MYOF: variants seen among roughly 807,000 people sequenced by gnomAD.
MYOF encodes myoferlin.
A neutral mutation model predicts 284.2 loss-of-function variants in MYOF; 244 were observed. That is an observed-to-expected ratio of 0.86 (90% CI 0.77 to 0.95). The LOEUF (loss-of-function observed/expected upper bound fraction) is 0.95. Ranked by LOEUF, MYOF falls within the 40% of genes least tolerant of loss-of-function variation. The probability of loss-of-function intolerance (pLI) is 0.00; values close to 1 mark genes in which losing one functional copy is unlikely to be tolerated. For synonymous variants in MYOF, 904 were observed against 919.7 expected, an observed-to-expected ratio of 0.98 and a Z score of 0.31; for missense variants, 2,496 against 2,560.6, an observed-to-expected ratio of 0.97 and a Z score of 0.54.
At chr10:93,327,779 A>G (rs1001822129) in intron 45 of MYOF, among the ~76,000 whole-genome samples, 3 of 152,038 alleles carry the variant, frequency 2.0e-5, no homozygotes, top group African/African-American at 7.3e-5. Flanking sequence ...GTTTTTTGAG[A>G]CAGGATCTCA....
chr10:93,395,664 C>G (rs980795757), intron 16 of MYOF, among the ~76,000 whole-genome samples: 16 of 151,892 alleles, frequency 1.1e-4, no homozygotes, highest in African/African-American at 3.9e-4. Flanking sequence ...TACACATTAT[C>G]TTAGGGAGTG....
Position 93,373,004 on chromosome 10 carries a change from G to T in MYOF, c.2383C>A (p.Gln795Lys). 6.2e-7 allele frequency: 1 copy of T among 1,614,196 alleles called. No homozygotes were observed. Among genetic ancestry groups the T allele is most frequent in the South Asian group, 1.1e-5 (1 of 91,086 alleles). ...TCACCACTGGTGGAGTACAAGACCT[G>T]ATGTGCGGGAATTCGTGCATAGGCC... ...RLAYARIPAH[Q>K]VLYSTSGENA... Residue 795 changes from glutamine (Q) to lysine (K), a missense_variant, in exon 24 of 54, where the codon CAG becomes AAG. By Grantham distance (53) the Gln-to-Lys change is moderately conservative. This residue lies in a region of MYOF where 2,436 missense variants were observed against 2,480.7 expected (regional missense o/e 0.98). Coordinates refer to ENST00000359263, the MANE Select transcript of MYOF (RefSeq NM_013451.4).
chr10:93,335,896 C>T lies in MYOF; in HGVS notation c.4563+25G>A, dbSNP rs191694288. On this transcript the variant is annotated intron_variant, in intron 41 of 53. Transcript: ENST00000359263. ...ATAGAAAATGAAGGTGGATTTTAAA[C>T]GGGACCAACACACATCTTACTCACC... 111 of 1,606,640 alleles carry T rather than the reference C, an allele frequency of 6.9e-5. No homozygotes were observed. The East Asian group carries it at 8.0e-4, about 12-fold the overall frequency.
At chr10:93,330,838 C>G (rs150983294) in intron 43 of MYOF, among the ~76,000 whole-genome samples, 1 of 152,244 alleles carries the variant, frequency 6.6e-6, no homozygotes, top group East Asian at 1.9e-4. Flanking sequence ...GAATGTTGAT[C>G]CATTTGAGCA....
chr10:93,387,832 C>T lies in MYOF; in HGVS notation c.1663G>A (p.Glu555Lys). The change falls in exon 19 of 54, where the codon GAG becomes AAG. Residue 555 changes from glutamate (E) to lysine (K), a missense_variant. Transcript: ENST00000359263. ...LEKTPPDKKLEPISNDDLLVV... is the reference protein window; with the variant it reads ...LEKTPPDKKLKPISNDDLLVV... The stretch of plus-strand genomic sequence containing the variant: ...AGCAGGTCATCATTTGAAATGGGCT[C>T]AAGCTTTTTATCTGGTGGTGTCTTC... 6.2e-7 allele frequency: 1 copy of T among 1,614,096 alleles called. No homozygotes were observed. The highest frequency in any genetic ancestry group is 8.5e-7 in the Non-Finnish European group (1 of 1,180,006).
chr10:93,381,367 C>A lies in MYOF; in HGVS notation c.1728G>T (p.Leu576=), dbSNP rs764222335. Residue 576 remains leucine (L), a synonymous_variant, in exon 20 of 54, where the codon CTG becomes CTT. Transcript: ENST00000359263. ...EKYQRRRKYS[L]SAVFHSATML... ...TGGTGGCTGAATGAAACACGGCAGA[C>A]AGGCTGTACTTCCGCCTTCGCTGGT... 6.2e-7 allele frequency: 1 copy of A among 1,614,212 alleles called. No individual in the cohort carries two copies. Among genetic ancestry groups the A allele is most frequent in the Non-Finnish European group, 8.5e-7 (1 of 1,180,038 alleles).
chr10:93,335,264 C>T (rs1015353360), intron 41 of MYOF, among the ~76,000 whole-genome samples: 4 of 152,008 alleles, frequency 2.6e-5, no homozygotes, highest in African/African-American at 9.7e-5. Context: ...GTGTCCGGGG[C>T]TTGGGCGAGG....
intron 50 of MYOF, among the ~76,000 whole-genome samples, chr10:93,315,224 G>A (rs1842565602): frequency 6.6e-6 from 1 of 152,182 alleles, no homozygotes; most frequent in South Asian, 2.1e-4. Flanking sequence ...ACAGCCTTTG[G>A]TGGGTGTTTC....
intron 30 of MYOF, 147 bp from the exon 31 acceptor site, chr10:93,355,883 T>TAGC (rs1387848592): frequency 1.7e-6 from 1 of 595,278 alleles, no homozygotes; most frequent in African/African-American, 1.8e-5. Flanking sequence ...TAAAGATGAA[T>TAGC]AAGTCCCAGG....
chr10:93,453,592 C>T (rs916151535), intron 2 of MYOF, among the ~76,000 whole-genome samples: 10 of 152,130 alleles, frequency 6.6e-5, no homozygotes, highest in African/African-American at 1.7e-4. Context: ...TGCCACCACA[C>T]GTGGCCTCAG....
chr10:93,387,867 G>A lies in MYOF; in HGVS notation c.1628C>T (p.Thr543Ile), dbSNP rs780055290. The A allele has an allele frequency of 6.8e-6, 11 of 1,614,002 alleles. No homozygotes were observed. The highest frequency in any genetic ancestry group is 1.7e-5 in the Admixed American group (1 of 60,000). Residue 543 changes from threonine to isoleucine, a missense_variant, in exon 19 of 54, where the codon ACT becomes ATT. Transcript: ENST00000359263. ...ATCTGGTGGTGTCTTCTCAAGAAAA[G>A]TGGCTAATTCAACCAAGATCCTGCC... Reference protein sequence around the residue: ...YRGRILVELATFLEKTPPDKK... With the variant: ...YRGRILVELAIFLEKTPPDKK...
Position 93,377,399 on chromosome 10 carries a change from T to A in MYOF, c.2032A>T (p.Ile678Leu). The A allele has an allele frequency of 6.2e-7, 1 of 1,613,978 alleles. No homozygotes were observed. Among genetic ancestry groups the A allele is most frequent in the South Asian group, 1.1e-5 (1 of 91,066 alleles). The change falls in exon 22 of 54, where the codon ATA (isoleucine) becomes TTA (leucine). Residue 678 changes from isoleucine (I) to leucine (L), a missense_variant. Around this residue, in one of 3 missense-constraint regions of MYOF, gnomAD observed 2,436 missense variants for 2,480.7 expected, o/e 0.98. Coordinates refer to ENST00000359263, the MANE Select transcript of MYOF (RefSeq NM_013451.4). Reference sequence around the variant, plus strand: ...TGGTTTGCAGGAATTTTACCTTGTATCCCTGATTTTAGAGCTTCTATATTT... The same window carrying A: ...TGGTTTGCAGGAATTTTACCTTGTAACCCTGATTTTAGAGCTTCTATATTT... The part of the protein sequence containing the change: ...QTNIEALKSG[I>L]QGKIPANQLA...
At chr10:93,450,631 G>A (rs1007433511) in intron 3 of MYOF, among the ~76,000 whole-genome samples, 3 of 152,082 alleles carry the variant, frequency 2.0e-5, no homozygotes, top group Non-Finnish European at 2.9e-5. Flanking sequence ...ACTGCAAAAG[G>A]GGCATTATTA....
rs749732199 is a variant in MYOF, at chr10:93,310,670, A to G, written c.5890-27T>C. ...TTCAGTAAAGCAGAGCAGGTTAAAC[A>G]TATGACATCATGTTTCACAAATATT... On this transcript the variant is annotated intron_variant, in intron 51 of 53. Coordinates refer to ENST00000359263, the MANE Select transcript of MYOF (RefSeq NM_013451.4). 15 of 1,592,864 alleles carry G rather than the reference A, an allele frequency of 9.4e-6. No individual in the cohort carries two copies. The East Asian group carries it at 2.9e-4, about 31-fold the overall frequency.
intron 17 of MYOF, among the ~76,000 whole-genome samples, chr10:93,391,373 CT>C (rs1846667349): frequency 6.6e-6 from 1 of 151,762 alleles, no homozygotes; most frequent in South Asian, 2.1e-4. Context: ...GACGGATCAC[CT>C]GAGGTTCAGG....
rs1404439526 is a variant in MYOF, at chr10:93,408,862, A to C, written c.654T>G (p.Pro218=). The change falls in exon 7 of 54, where the codon CCT becomes CCG. Residue 218 remains proline (P), a synonymous_variant. Transcript: ENST00000359263. ...GRQLSGNNIR[P]VVKVHVCGQT... ...GGCCACAGACGTGAACTTTGACCAC[A>C]GGCCTTATGTTGTTACCACTTAACT... The C allele has an allele frequency of 6.2e-7, 1 of 1,614,220 alleles. No homozygotes were observed. Among genetic ancestry groups the C allele is most frequent in the Admixed American group, 1.7e-5 (1 of 60,030 alleles).
intron 19 of MYOF, 82 bp from the exon 20 acceptor site, chr10:93,381,478 T>A: frequency 1.5e-6 from 2 of 1,370,086 alleles, no homozygotes; most frequent in Non-Finnish European, 2.0e-6. Flanking sequence ...GACGCAATTC[T>A]ACACCTAATA....
intron 50 of MYOF, among the ~76,000 whole-genome samples, chr10:93,315,956 A>T (rs1335083810): frequency 7.1e-6 from 1 of 141,004 alleles, no homozygotes; most frequent in African/African-American, 2.5e-5. Context: ...CCTCGTCTGT[A>T]CTAAAAAGTG....
At chr10:93,463,929 C>T (rs1159588173) in intron 1 of MYOF, among the ~76,000 whole-genome samples, 1 of 150,084 alleles carries the variant, frequency 6.7e-6, no homozygotes, top group Non-Finnish European at 1.5e-5. Flanking sequence ...CTTGCTACAT[C>T]TGTGCCGGTG....
Sources: allele counts gnomAD v4.1 joint callset (sites outside exome capture counted in the v4.1 genomes callset), GRCh38; gene constraint gnomAD v4.1.1; regional missense constraint gnomAD v4.1.1; transcripts MANE v1.5; gene names NCBI Gene and HGNC (gene_info 2026-07-23, HGNC 2026-07-21).